LYN: variants seen among roughly 807,000 people sequenced by gnomAD.
LYN encodes the protein tyrosine-protein kinase Lyn.
In LYN, 12 loss-of-function variants were observed where a neutral mutation model predicts 65.0. The ratio of observed to expected loss-of-function variants is 0.18; its 90% CI spans 0.12 to 0.30. The LOEUF is 0.30. Among genes scored for constraint, LYN ranks in the 10% least tolerant of loss-of-function variants. The pLI, the probability that LYN is intolerant of heterozygous loss-of-function variation, is 1.00. For synonymous variants in LYN, 222 were observed against 221.2 expected, an observed-to-expected ratio of 1.00 and a Z score of -0.03; for missense variants, 380 against 623.2, an observed-to-expected ratio of 0.61 and a Z score of 4.16.
intron 1 of LYN, among the ~76,000 whole-genome samples, chr8:55,918,782 G>A (rs1347790864): frequency 6.6e-6 from 1 of 152,100 alleles, no homozygotes. Context: ...CCCCACCACT[G>A]GGCCAGCCAA....
chr8:55,982,821 G>A (rs1422787939), intron 10 of LYN, among the ~76,000 whole-genome samples: 1 of 152,024 alleles, frequency 6.6e-6, no homozygotes. Flanking sequence ...TCATTTGATC[G>A]TTTCCACTTC....
At chr8:56,009,582 A>G (rs1353076209) in intron 12 of LYN, among the ~76,000 whole-genome samples, 1 of 152,126 alleles carries the variant, frequency 6.6e-6, no homozygotes, top group Non-Finnish European at 1.5e-5. Flanking sequence ...TCTTTCCCCT[A>G]TACTAGTCTG....
At chr8:55,958,690 T>G (rs1339928699) in intron 8 of LYN, among the ~76,000 whole-genome samples, 1 of 152,226 alleles carries the variant, frequency 6.6e-6, no homozygotes, top group African/African-American at 2.4e-5. Context: ...CTTAGGTACC[T>G]CAAATAATTA....
intron 10 of LYN, among the ~76,000 whole-genome samples, chr8:55,975,225 C>T (rs1398885629): frequency 6.6e-6 from 1 of 152,204 alleles, no homozygotes; most frequent in Non-Finnish European, 1.5e-5. Flanking sequence ...CAAATGTTAA[C>T]ACAGCTGGTG....
chr8:55,896,747 T>G (rs1805116598), intron 1 of LYN, among the ~76,000 whole-genome samples: 2 of 152,106 alleles, frequency 1.3e-5, no homozygotes, highest in Admixed American at 6.6e-5. Context: ...TTTATTTATT[T>G]ATTTATTTAG....
At chr8:55,961,086 C>A (rs753429979) in intron 8 of LYN, among the ~76,000 whole-genome samples, 2 of 152,188 alleles carry the variant, frequency 1.3e-5, no homozygotes, top group Non-Finnish European at 2.9e-5. Flanking sequence ...TTGATAAATT[C>A]TCATTTGAGC....
Position 55,975,794 on chromosome 8 carries a change from C to T in LYN, c.1050+6001C>T, listed in dbSNP as rs1305788924. Reference sequence around the variant, plus strand: ...ACTGTCATTTAAAAATAGTATAAAACAGGAACTCTTTTTTTTTTTTGGTAA... The same window carrying T: ...ACTGTCATTTAAAAATAGTATAAAATAGGAACTCTTTTTTTTTTTTGGTAA... On this transcript the variant is annotated intron_variant, in intron 10 of 12. Coordinates refer to ENST00000519728, the MANE Select transcript of LYN (RefSeq NM_002350.4). Among the ~76,000 whole-genome samples the T allele has an allele frequency of 2.4e-5, 3 of 125,052 alleles. No homozygotes were observed. The East Asian group carries it at 6.9e-4, about 29-fold the overall frequency. The allele number at this position is 125,052 out of a possible 152,430, so 82.0% of individuals were successfully genotyped here.
At chr8:55,975,857 G>A (rs1051065736) in intron 10 of LYN, among the ~76,000 whole-genome samples, 13 of 152,022 alleles carry the variant, frequency 8.6e-5, no homozygotes, top group Non-Finnish European at 1.6e-4. Flanking sequence ...TAAGCAAGAG[G>A]AATCATGACT....
chr8:56,001,746 G>A (rs745674219), intron 12 of LYN, among the ~76,000 whole-genome samples: 2 of 152,106 alleles, frequency 1.3e-5, no homozygotes, highest in Non-Finnish European at 2.9e-5. Context: ...TATATAGTCA[G>A]ATTATGTATA....
intron 10 of LYN, among the ~76,000 whole-genome samples, chr8:55,997,977 G>C (rs536428155): frequency 1.3e-5 from 2 of 151,872 alleles, no homozygotes; most frequent in Non-Finnish European, 2.9e-5. Flanking sequence ...CCAGCTACTC[G>C]GGAGGCTGAG....
intron 9 of LYN, 99 bp from the exon 10 acceptor site, chr8:55,969,618 G>C (rs188163347): frequency 1.1e-6 from 1 of 904,056 alleles, no homozygotes; most frequent in Non-Finnish European, 1.9e-6. Context: ...CAATCATTTT[G>C]TGGGGAGTTC....
intron 10 of LYN, among the ~76,000 whole-genome samples, chr8:55,987,109 T>C (rs1016638533): frequency 2.6e-5 from 4 of 152,176 alleles, no homozygotes; most frequent in African/African-American, 7.2e-5. Context: ...ATTTTTAGAA[T>C]AGAATAAAAA....
intron 1 of LYN, among the ~76,000 whole-genome samples, chr8:55,935,796 A>C (rs1328446427): frequency 2.0e-5 from 3 of 151,550 alleles, no homozygotes; most frequent in South Asian, 2.1e-4. Context: ...AAAAAAAAAA[A>C]AACAGGAATT....
In LYN at chr8:55,947,587, C is replaced by A. The variant is rs189615357; in HGVS notation, c.179-31C>A. On this transcript the variant is annotated intron_variant, in intron 3 of 12. Transcript: ENST00000519728. The stretch of plus-strand genomic sequence containing the variant: ...GTTAAAACGCTTCTGCTGATGGATT[C>A]TTACAGGTGTTCTCTTGTGTTCATC... The A allele has an allele frequency of 1.1e-3, 1,712 of 1,499,520 alleles. 1 individual carries two copies. The highest frequency in any genetic ancestry group is 1.5e-3 in the Non-Finnish European group (1,566 of 1,076,162). 92.9% of individuals were successfully genotyped at this position (1,499,520 alleles called of 1,614,324 possible).
intron 4 of LYN, among the ~76,000 whole-genome samples, chr8:55,949,629 A>G (rs1000774386): frequency 1.3e-5 from 2 of 152,272 alleles, no homozygotes; most frequent in African/African-American, 4.8e-5. Context: ...ACATGTATGC[A>G]GTGTGTACGG....
At chr8:55,952,201 T>A in intron 7 of LYN, 86 bp downstream of exon 7, 1 of 1,041,370 alleles carries the variant, frequency 9.6e-7, no homozygotes, top group Non-Finnish European at 1.4e-6. Flanking sequence ...ATATTAAAAC[T>A]TTTTATGCAT....
chr8:55,969,631 C>A, intron 9 of LYN, 86 bp from the exon 10 acceptor site: 1 of 997,854 alleles, frequency 1.0e-6, no homozygotes, highest in Non-Finnish European at 1.6e-6. Flanking sequence ...GGGAGTTCCC[C>A]TGTAATAGTA....
intron 10 of LYN, among the ~76,000 whole-genome samples, chr8:55,974,533 AGT>A (rs1807699254): frequency 1.3e-5 from 2 of 152,170 alleles, no homozygotes; most frequent in South Asian, 4.1e-4. Flanking sequence ...GTAGCTACTG[AGT>A]GAGAAAACAG....
intron 12 of LYN, 46 bp from the exon 13 acceptor site, chr8:56,009,862 T>G (rs1563333206): frequency 1.3e-5 from 20 of 1,541,432 alleles, no homozygotes; most frequent in African/African-American, 2.7e-5. Flanking sequence ...CTGCCAGGTT[T>G]CTAAACGGCA....
Sources: allele counts gnomAD v4.1 joint callset (sites outside exome capture counted in the v4.1 genomes callset), GRCh38; gene constraint gnomAD v4.1.1; transcripts MANE v1.5; gene names NCBI Gene and HGNC (gene_info 2026-07-23, HGNC 2026-07-21).